The following P2RX3 variants were observed in gnomAD, a reference collection of about 807,000 sequenced individuals.
P2RX3 encodes P2X purinoceptor 3.
A neutral mutation model predicts 51.5 loss-of-function variants in P2RX3; 41 were observed. The ratio of observed to expected loss-of-function variants is 0.80; its 90% CI spans 0.62 to 1.03. The LOEUF (loss-of-function observed/expected upper bound fraction) is 1.03. P2RX3 is among the 50% of genes least tolerant of loss of function. The probability of loss-of-function intolerance (pLI) is 0.00; values close to 1 mark genes in which losing one functional copy is unlikely to be tolerated. For synonymous variants in P2RX3, 185 were observed against 191.6 expected (o/e 0.97, Z 0.29); for missense variants, 459 against 522.1 (o/e 0.88, Z 1.18).
At chr11:57,345,574 T>C (rs892037109) in intron 1 of P2RX3, among the ~76,000 whole-genome samples, 2 of 151,940 alleles carry the variant, frequency 1.3e-5, no homozygotes, top group African/African-American at 4.8e-5. Flanking sequence ...GCTGGAAGTG[T>C]GGGATTAAGT....
At position 57,368,042 on chromosome 11, in the gene P2RX3, T is replaced by C; in HGVS notation, c.876T>C (p.Ser292=). The C allele has an allele frequency of 1.9e-6, 3 of 1,614,130 alleles. No homozygotes were observed. The highest frequency in any genetic ancestry group is 3.3e-5 in the Admixed American group (2 of 60,018). Residue 292 remains serine, a synonymous_variant, in exon 9 of 12, where the codon AGT becomes AGC. Transcript: ENST00000263314. ...FAKYYKMENG[S]EYRTLLKAFG... ...AGTACTACAAAATGGAAAATGGCAG[T>C]GAGTACCGCACCCTCCTGAAGGCTT...
chr11:57,347,175 A>T lies in P2RX3; in HGVS notation c.315A>T (p.Gly105=), dbSNP rs768730577. Residue 105 remains glycine (G), a synonymous_variant, in exon 3 of 12, where the codon GGA becomes GGT. Coordinates refer to ENST00000263314, the MANE Select transcript of P2RX3 (RefSeq NM_002559.5). ...TTGTTACTGAAAATCAGATGCAAGG[A>T]TTCTGCCCAGAGGTGAGGGGAGGAC... The part of the protein sequence containing the change: ...KMIVTENQMQ[G]FCPESEEKYR... The T allele has an allele frequency of 6.2e-7, 1 of 1,613,446 alleles. No homozygotes were observed. Among genetic ancestry groups the T allele is most frequent in the African/African-American group, 1.3e-5 (1 of 74,914 alleles).
chr11:57,357,863 A>C (rs1169225206), intron 8 of P2RX3, among the ~76,000 whole-genome samples: 2 of 152,190 alleles, frequency 1.3e-5, no homozygotes, highest in African/African-American at 4.8e-5. Context: ...TCAGCTGGCA[A>C]AATTACTTCC....
Position 57,370,299 on chromosome 11 carries a change from C to T in P2RX3, c.*302C>T, listed in dbSNP as rs946288133. 3 of 333,160 alleles carry T rather than the reference C, an allele frequency of 9.0e-6. No homozygotes were observed. Among genetic ancestry groups the T allele is most frequent in the Non-Finnish European group, 1.1e-5 (2 of 182,020 alleles). The allele number at this position is 333,160 out of a possible 1,614,324, so 20.6% of individuals were successfully genotyped here. The stretch of plus-strand genomic sequence containing the variant: ...AGAGATTATAATGTAGGACAGATGG[C>T]CACAAGGGCCTACCAAGTGCCAGGC... On this transcript the variant is annotated 3_prime_UTR_variant, in exon 12 of 12. Coordinates refer to ENST00000263314, the MANE Select transcript of P2RX3 (RefSeq NM_002559.5).
At chr11:57,339,260 AG>A (rs1300001819) in intron 1 of P2RX3, among the ~76,000 whole-genome samples, 1 of 152,120 alleles carries the variant, frequency 6.6e-6, no homozygotes, top group Non-Finnish European at 1.5e-5. Context: ...CTGCTCTTGA[AG>A]GGGAGGACAA....
intron 1 of P2RX3, among the ~76,000 whole-genome samples, chr11:57,343,649 T>C (rs1181339073): frequency 6.6e-6 from 1 of 152,198 alleles, no homozygotes; most frequent in Non-Finnish European, 1.5e-5. Context: ...TAGTCTGAAC[T>C]CTGCATCTCC....
At chr11:57,361,346 G>T (rs181246519) in intron 8 of P2RX3, among the ~76,000 whole-genome samples, 1 of 151,542 alleles carries the variant, frequency 6.6e-6, no homozygotes, top group Admixed American at 6.6e-5. Context: ...GGTTTGTTAC[G>T]TAGGTAAACG....
Position 57,347,537 on chromosome 11 carries a change from G to A in P2RX3, c.391+59G>A, listed in dbSNP as rs964167901. 11 of 1,528,084 alleles carry A rather than the reference G, an allele frequency of 7.2e-6. No homozygotes were observed. In the South Asian group the frequency reaches 1.3e-4, roughly 18 times the overall value. The allele number at this position is 1,528,084 out of a possible 1,614,324, so 94.7% of individuals were successfully genotyped here. ...AAGTGTTAGTGGGACCCATGGGGGA[G>A]AGCCCGTCGTTGGAGAGGGAGTGGG... On this transcript the variant is annotated intron_variant, in intron 4 of 11. Coordinates refer to ENST00000263314, the MANE Select transcript of P2RX3 (RefSeq NM_002559.5).
At chr11:57,349,056 A>G (rs1856495342) in intron 6 of P2RX3, among the ~76,000 whole-genome samples, 1 of 152,114 alleles carries the variant, frequency 6.6e-6, no homozygotes, top group African/African-American at 2.4e-5. Context: ...CATCTAGCCC[A>G]TGTGTGGAAA....
At chr11:57,351,005 A>G in intron 8 of P2RX3, 107 bp downstream of exon 8, 2 of 1,491,188 alleles carry the variant, frequency 1.3e-6, no homozygotes, top group Non-Finnish European at 1.8e-6. Flanking sequence ...CCCTGGCCCC[A>G]AGTCCCACCT....
upstream of P2RX3, among the ~76,000 whole-genome samples, chr11:57,336,101 T>A (rs1168394976): frequency 2.6e-5 from 4 of 152,150 alleles, no homozygotes; most frequent in Non-Finnish European, 5.9e-5. Context: ...AATTGTGTAG[T>A]TTTATTGTAT....
Position 57,338,461 on chromosome 11 carries a change from C to G in P2RX3, c.-90C>G, listed in dbSNP as rs1399351730. ...CCCCTCTAAGCTGCCCCCTCCAGGT[C>G]GTGATCTCGTCTCCCTGTCCTGTAG... On this transcript the variant is annotated 5_prime_UTR_variant, in exon 1 of 12. Coordinates refer to ENST00000263314, the MANE Select transcript of P2RX3 (RefSeq NM_002559.5). 1.3e-6 allele frequency: 1 copy of G among 790,866 alleles called. No homozygotes were observed. 49.0% of individuals were successfully genotyped at this position (790,866 alleles called of 1,614,324 possible).
intron 8 of P2RX3, among the ~76,000 whole-genome samples, chr11:57,360,818 A>C: frequency 6.6e-6 from 1 of 151,770 alleles, no homozygotes. Context: ...AAAAAAAGAA[A>C]GAAAAAGAAA....
At chr11:57,346,394 C>A in intron 1 of P2RX3, 150 bp from the exon 2 acceptor site, 1 of 846,484 alleles carries the variant, frequency 1.2e-6, no homozygotes, top group Non-Finnish European at 1.8e-6. Flanking sequence ...CAACCAAGGG[C>A]TCACTCTAGG....
chr11:57,347,569 C>A, intron 4 of P2RX3, 91 bp downstream of exon 4: 4 of 1,353,286 alleles, frequency 3.0e-6, no homozygotes, highest in Non-Finnish European at 4.1e-6. Context: ...TGGGAACCAG[C>A]CTGTTCCATG....
intron 10 of P2RX3, among the ~76,000 whole-genome samples, 191 bp downstream of exon 10, chr11:57,368,628 G>A (rs369362162): frequency 3.5e-4 from 53 of 152,334 alleles, no homozygotes; most frequent in East Asian, 3.3e-3. Flanking sequence ...AACGTCTCCA[G>A]TCATGGAGAG....
intron 8 of P2RX3, among the ~76,000 whole-genome samples, chr11:57,353,065 C>T (rs770355987): frequency 7.2e-5 from 11 of 152,246 alleles, no homozygotes; most frequent in Admixed American, 1.3e-4. Context: ...CCACCACCCT[C>T]ATGCAACCTC....
chr11:57,350,955 T>G, intron 8 of P2RX3, 57 bp downstream of exon 8: 1 of 1,611,392 alleles, frequency 6.2e-7, no homozygotes, highest in Non-Finnish European at 8.5e-7. Context: ...TTAACGGCAA[T>G]GTTTATTGGG....
At chr11:57,350,029 G>C (rs1590628752) in intron 7 of P2RX3, 131 bp downstream of exon 7, 1 of 1,368,246 alleles carries the variant, frequency 7.3e-7, no homozygotes. Context: ...AGCATCCCAG[G>C]CCGCCACTGG....
Sources: gnomAD v4.1 joint callset for allele counts (sites outside exome capture counted in the v4.1 genomes callset) on GRCh38, gnomAD v4.1.1 for gene constraint, MANE v1.5 for transcripts, NCBI Gene and HGNC (gene_info 2026-07-23, HGNC 2026-07-21) for gene names.